POPDC3: variants seen among roughly 807,000 people sequenced by gnomAD.
The protein encoded by POPDC3 is popeye domain cAMP effector 3, also known as popeye domain-containing protein 3.
Under a neutral mutation model 28.2 loss-of-function variants are expected in POPDC3, and 20 were observed. The observed-to-expected ratio is 0.71, with a 90% CI of 0.50 to 1.03. POPDC3 has a LOEUF of 1.03. Ranked by LOEUF, POPDC3 falls within the 50% of genes least tolerant of loss-of-function variation. POPDC3 has a pLI of 0.00. For synonymous variants in POPDC3, 118 were observed against 124.1 expected, an observed-to-expected ratio of 0.95 and a Z score of 0.33; for missense variants, 316 against 345.9, an observed-to-expected ratio of 0.91 and a Z score of 0.69.
intron 1 of POPDC3, among the ~76,000 whole-genome samples, chr6:105,170,462 T>C (rs995234932): frequency 1.2e-4 from 19 of 152,212 alleles, no homozygotes; most frequent in African/African-American, 4.3e-4. Flanking sequence ...AACAAGATCA[T>C]GTATGATAGT....
intron 3 of POPDC3, 73 bp downstream of exon 3, chr6:105,159,638 T>G: frequency 1.2e-6 from 1 of 840,864 alleles, no homozygotes; most frequent in Non-Finnish European, 2.0e-6. Context: ...CTGTTGTTTA[T>G]TTGTTTACTT....
chr6:105,168,274 A>C (rs1241486539), intron 1 of POPDC3, among the ~76,000 whole-genome samples: 1 of 152,014 alleles, frequency 6.6e-6, no homozygotes, highest in Non-Finnish European at 1.5e-5. Flanking sequence ...ACATGGTTTA[A>C]TTTTCTCATT....
intron 1 of POPDC3, chr6:105,168,684 T>G (rs1026794933): frequency 3.3e-5 from 5 of 152,220 alleles, no homozygotes; most frequent in African/African-American, 1.2e-4. Flanking sequence ...TAGGTAACAT[T>G]ATATGGCAAA....
chr6:105,165,290 A>G (rs375496091), intron 1 of POPDC3, among the ~76,000 whole-genome samples: 3 of 152,348 alleles, frequency 2.0e-5, no homozygotes, highest in South Asian at 2.1e-4. Flanking sequence ...GACTTACCCT[A>G]TAAGTTCTTG....
intron 1 of POPDC3, among the ~76,000 whole-genome samples, chr6:105,177,411 AATTCCCATAT>A (rs1774701303): frequency 6.6e-6 from 1 of 152,226 alleles, no homozygotes; most frequent in Non-Finnish European, 1.5e-5. Flanking sequence ...GTATACAACA[AATTCCCATAT>A]ACCTGTTACC....
Position 105,178,847 on chromosome 6 carries a change from AAACTT to A in POPDC3, c.-252+981_-252+985del, listed in dbSNP as rs754734932. 1.6e-3 allele frequency: 1,616 copies of A among 985,432 alleles called. 1 individual carries two copies. Among genetic ancestry groups the A allele is most frequent in the Non-Finnish European group, 1.9e-3 (1,552 of 829,906 alleles). The allele number at this position is 985,432 out of a possible 1,614,324, so 61.0% of individuals were successfully genotyped here. A position where few individuals can be genotyped will look rare whatever the true frequency, so the allele number is the denominator to read the frequency against. On this transcript the variant is annotated intron_variant, in intron 1 of 3. Coordinates refer to ENST00000254765, the MANE Select transcript of POPDC3 (RefSeq NM_022361.5). ...ACAAGAAGGAAAAAAAATAGCCACTAAACTTAGTATGAACAGGCAACAATAATTTT... is the reference window on the plus strand; with the variant it reads ...ACAAGAAGGAAAAAAAATAGCCACTAAGTATGAACAGGCAACAATAATTTT...
chr6:105,159,916 G>A, intron 2 of POPDC3, 97 bp from the exon 3 acceptor site: 2 of 762,922 alleles, frequency 2.6e-6, no homozygotes, highest in Non-Finnish European at 4.6e-6. Context: ...TCAGATCCCT[G>A]ATGACTCTTG....
Position 105,176,370 on chromosome 6 carries a change from GC to G in POPDC3, c.-252+3462del, listed in dbSNP as rs200359365. Among the ~76,000 whole-genome samples the G allele has an allele frequency of 3.7e-4, 56 of 152,294 alleles. No homozygotes were observed. The East Asian group carries it at 0.01, about 28-fold the overall frequency. ...TATTTGGGCATAATGTGATGAGCTG[GC>G]CGCCTGTGATTGGCTGAAACCTGGC... On this transcript the variant is annotated intron_variant, in intron 1 of 3. Transcript: ENST00000254765.
rs1774330116 is a variant in POPDC3 at position 105,161,558 on chromosome 6, G to T, written c.352C>A (p.Pro118Thr). The change falls in exon 2 of 4, where the codon CCC (proline) becomes ACC (threonine). Residue 118 changes from proline (P) to threonine (T), a missense_variant. Coordinates refer to ENST00000254765, the MANE Select transcript of POPDC3 (RefSeq NM_022361.5). The part of the protein sequence containing the change: ...FQVLYSSLFQ[P>T]LGISLPVFRT... Reference sequence around the variant, plus strand: ...AAGACAGGCAAAGAGATCCCCAGGGGCTGGAAAAGGGAGCTGTACAACACT... The same window carrying T: ...AAGACAGGCAAAGAGATCCCCAGGGTCTGGAAAAGGGAGCTGTACAACACT... 7 of 1,614,016 alleles carry T rather than the reference G, an allele frequency of 4.3e-6. No homozygotes were observed. Among genetic ancestry groups the T allele is most frequent in the Non-Finnish European group, 5.1e-6 (6 of 1,180,036 alleles).
chr6:105,178,974 T>C, intron 1 of POPDC3: 1 of 985,410 alleles, frequency 1.0e-6, no homozygotes, highest in Non-Finnish European at 1.2e-6. Flanking sequence ...AGCAACGAAG[T>C]TTAGTAAATC....
At chr6:105,172,448 CTAGTTCAACCATT>C (rs1440987098) in intron 1 of POPDC3, among the ~76,000 whole-genome samples, 2 of 150,978 alleles carry the variant, frequency 1.3e-5, no homozygotes, top group Non-Finnish European at 3.0e-5. Flanking sequence ...GGACTGTAAA[CTAGTTCAACCATT>C]GTGGAAGTCA....
chr6:105,179,430 A>G (rs1006752086), intron 1 of POPDC3, among the ~76,000 whole-genome samples: 4 of 152,144 alleles, frequency 2.6e-5, no homozygotes, highest in East Asian at 3.9e-4. Context: ...TCTCCCTTGC[A>G]AAACTGGCCT....
Position 105,160,257 on chromosome 6 carries a change from C to T in POPDC3, c.486-438G>A, listed in dbSNP as rs182478317. 254 of 154,128 alleles carry T rather than the reference C, an allele frequency of 1.6e-3. 1 individual carries two copies. In the Middle Eastern group the frequency reaches 0.017, roughly 10 times the overall value. The allele number at this position is 154,128 out of a possible 1,614,324, so 9.5% of individuals were successfully genotyped here. A position where few individuals can be genotyped will look rare whatever the true frequency, so the allele number is the denominator to read the frequency against. ...GACAGAGTCTCACTCTGTCGCCCAGCGTGGAGTGCAGTGGCACAATCTGGG... is the reference window on the plus strand; with the variant it reads ...GACAGAGTCTCACTCTGTCGCCCAGTGTGGAGTGCAGTGGCACAATCTGGG... On this transcript the variant is annotated intron_variant, in intron 2 of 3. Transcript: ENST00000254765.
intron 1 of POPDC3, among the ~76,000 whole-genome samples, chr6:105,164,641 A>G (rs970884376): frequency 1.3e-5 from 2 of 152,224 alleles, no homozygotes; most frequent in South Asian, 2.1e-4. Context: ...TGAATGTCCA[A>G]CATGATTCAT....
intron 1 of POPDC3, among the ~76,000 whole-genome samples, chr6:105,172,294 C>G (rs1774593033): frequency 6.6e-6 from 1 of 151,264 alleles, no homozygotes; most frequent in South Asian, 2.1e-4. Flanking sequence ...TGCTCATCAT[C>G]ACTGGCCATC....
At chr6:105,166,673 C>T (rs2114535475) in intron 1 of POPDC3, 1 of 471,036 alleles carries the variant, frequency 2.1e-6, no homozygotes, top group East Asian at 6.9e-5. Flanking sequence ...CAGCAGCCTT[C>T]CCTGACCATG....
rs115760754 is a variant in POPDC3 at position 105,164,267 on chromosome 6, G to A, written c.-251-2107C>T. The stretch of plus-strand genomic sequence containing the variant: ...TAGAGAAAGGCCATGTAAAACGTTC[G>A]TGGCAATTCAGAAGGGAACTTCTGG... On this transcript the variant is annotated intron_variant, in intron 1 of 3. Coordinates refer to ENST00000254765, the MANE Select transcript of POPDC3 (RefSeq NM_022361.5). Among the ~76,000 whole-genome samples, 656 of 152,260 alleles carry A rather than the reference G, an allele frequency of 4.3e-3. 7 individuals are homozygous for A. Among genetic ancestry groups the A allele is most frequent in the African/African-American group, 0.015 (632 of 41,546 alleles).
chr6:105,159,343 C>A (rs1012556715), intron 3 of POPDC3, among the ~76,000 whole-genome samples: 1 of 152,124 alleles, frequency 6.6e-6, no homozygotes, highest in South Asian at 2.1e-4. Flanking sequence ...TTTTAAAAAT[C>A]ATTTATTTTT....
At chr6:105,178,734 T>C (rs1025987276) in intron 1 of POPDC3, 5 of 985,198 alleles carry the variant, frequency 5.1e-6, no homozygotes, top group African/African-American at 3.5e-5. Flanking sequence ...GTAGTTCTTG[T>C]TTGGTTTTCT....
Sources: gnomAD v4.1 joint callset for allele counts (sites outside exome capture counted in the v4.1 genomes callset) on GRCh38, gnomAD v4.1.1 for gene constraint, MANE v1.5 for transcripts, NCBI Gene and HGNC (gene_info 2026-07-23, HGNC 2026-07-21) for gene names.